The following ZMAT4 variants were observed in gnomAD, a reference collection of about 807,000 sequenced individuals.
ZMAT4 encodes the protein zinc finger matrin-type protein 4.
ZMAT4 carries 17 observed loss-of-function variants against 28.7 expected under a neutral mutation model. That is an observed-to-expected ratio of 0.59 (90% CI 0.41 to 0.89). The LOEUF is 0.89. Among genes scored for constraint, ZMAT4 ranks in the 40% least tolerant of loss-of-function variants. ZMAT4 has a pLI of 0.00. For synonymous variants in ZMAT4, 117 were observed against 109.2 expected, an observed-to-expected ratio of 1.07 and a Z score of -0.44; for missense variants, 240 against 283.8, an observed-to-expected ratio of 0.85 and a Z score of 1.11.
chr8:40,567,934 G>A (rs564393672), intron 6 of ZMAT4, among the ~76,000 whole-genome samples: 3 of 152,064 alleles, frequency 2.0e-5, no homozygotes, highest in East Asian at 1.9e-4. Context: ...TACTATCAGT[G>A]GTAGCATAAA....
At chr8:40,681,808 C>T (rs923811234) in intron 4 of ZMAT4, among the ~76,000 whole-genome samples, 2 of 151,632 alleles carry the variant, frequency 1.3e-5, no homozygotes, top group Non-Finnish European at 2.9e-5. Context: ...GTTAAAGAAA[C>T]AAGTTAGATA....
chr8:40,632,020 T>A (rs1452481646), intron 5 of ZMAT4, among the ~76,000 whole-genome samples: 1 of 152,060 alleles, frequency 6.6e-6, no homozygotes, highest in East Asian at 1.9e-4. Context: ...CAAATCCAGG[T>A]TTTTTTTCCA....
At chr8:40,846,306 C>G (rs1432723029) in intron 1 of ZMAT4, among the ~76,000 whole-genome samples, 1 of 152,202 alleles carries the variant, frequency 6.6e-6, no homozygotes, top group Non-Finnish European at 1.5e-5. Flanking sequence ...AACCCAATCC[C>G]CAGCCCACAA....
At chr8:40,775,637 C>T (rs1246245089) in intron 2 of ZMAT4, among the ~76,000 whole-genome samples, 3 of 152,220 alleles carry the variant, frequency 2.0e-5, no homozygotes, top group African/African-American at 7.2e-5. Context: ...GTCAGGGATC[C>T]ACTAGATACT....
At chr8:40,536,896 G>A (rs2118360738) in intron 6 of ZMAT4, among the ~76,000 whole-genome samples, 1 of 145,894 alleles carries the variant, frequency 6.9e-6, no homozygotes, top group Non-Finnish European at 1.5e-5. Flanking sequence ...GGGATGAGGG[G>A]GTTTGGAGAA....
At chr8:40,588,019 T>C (rs1245500568) in intron 5 of ZMAT4, among the ~76,000 whole-genome samples, 2 of 151,970 alleles carry the variant, frequency 1.3e-5, no homozygotes, top group Admixed American at 6.6e-5. Context: ...AAATATTTTA[T>C]AATGATAAAA....
chr8:40,735,030 G>T (rs758297532), intron 3 of ZMAT4, among the ~76,000 whole-genome samples: 6 of 152,184 alleles, frequency 3.9e-5, no homozygotes, highest in Non-Finnish European at 7.3e-5. Flanking sequence ...GCTGGTGTGA[G>T]ACACAGCTGA....
chr8:40,808,545 G>A (rs962459394), intron 2 of ZMAT4: 3 of 455,356 alleles, frequency 6.6e-6, no homozygotes, highest in African/African-American at 6.0e-5. Context: ...AAGTTACATT[G>A]CTCATTCCCA....
In ZMAT4 at chr8:40,684,067, G is replaced by GA. The variant is rs113250177; in HGVS notation, c.350-9137dup. Reference sequence around the variant, plus strand: ...TGGGACCAGAGGAGATCCCGTCTTAGAAAAAAAAAAAAATCAGATGGCTAC... The same window carrying GA: ...TGGGACCAGAGGAGATCCCGTCTTAGAAAAAAAAAAAAAATCAGATGGCTAC... On this transcript the variant is annotated intron_variant, in intron 4 of 6. Coordinates refer to ENST00000297737, the MANE Select transcript of ZMAT4 (RefSeq NM_024645.3). Among the ~76,000 whole-genome samples the GA allele has an allele frequency of 9.2e-3, 1,282 of 138,696 alleles. 20 individuals are homozygous for GA. The highest frequency in any genetic ancestry group is 0.028 in the African/African-American group (1,057 of 38,106). 91.0% of individuals were successfully genotyped at this position (138,696 alleles called of 152,430 possible). A position where few individuals can be genotyped will look rare whatever the true frequency, so the allele number is the denominator to read the frequency against.
At chr8:40,537,084 A>G (rs1802871245) in intron 6 of ZMAT4, among the ~76,000 whole-genome samples, 1 of 152,284 alleles carries the variant, frequency 6.6e-6, no homozygotes, top group East Asian at 1.9e-4. Flanking sequence ...TTGGAAGCCT[A>G]TGTAGTCTGA....
At chr8:40,582,497 A>C (rs1263574998) in intron 5 of ZMAT4, among the ~76,000 whole-genome samples, 3 of 152,230 alleles carry the variant, frequency 2.0e-5, no homozygotes, top group Non-Finnish European at 4.4e-5. Flanking sequence ...TCAAAAAAAA[A>C]AAGTGACATA....
intron 2 of ZMAT4, among the ~76,000 whole-genome samples, chr8:40,777,574 G>A (rs1813650505): frequency 6.6e-6 from 1 of 152,236 alleles, no homozygotes; most frequent in Non-Finnish European, 1.5e-5. Context: ...GTGAGGGCAA[G>A]CCTGAAAAGC....
At chr8:40,843,746 C>A (rs1455490003) in intron 1 of ZMAT4, among the ~76,000 whole-genome samples, 3 of 152,182 alleles carry the variant, frequency 2.0e-5, no homozygotes, top group Non-Finnish European at 2.9e-5. Flanking sequence ...CCACTCTCTG[C>A]AGAATGTGTG....
intron 3 of ZMAT4, among the ~76,000 whole-genome samples, chr8:40,715,026 C>T (rs1304917435): frequency 2.6e-5 from 3 of 114,506 alleles, no homozygotes; most frequent in Non-Finnish European, 4.9e-5. Flanking sequence ...TCCAGCCTGG[C>T]GACAGAGGGA....
intron 5 of ZMAT4, among the ~76,000 whole-genome samples, chr8:40,615,722 A>T (rs1432764888): frequency 6.6e-6 from 1 of 152,092 alleles, no homozygotes; most frequent in African/African-American, 2.4e-5. Context: ...ATCGAATCGG[A>T]TACTGAAACT....
At chr8:40,849,349 T>G (rs1384752490) in intron 1 of ZMAT4, among the ~76,000 whole-genome samples, 1 of 152,214 alleles carries the variant, frequency 6.6e-6, no homozygotes, top group Non-Finnish European at 1.5e-5. Context: ...AGTCCTTTCA[T>G]TATTTACTCG....
chr8:40,640,447 T>C (rs780459806), intron 5 of ZMAT4, among the ~76,000 whole-genome samples: 2 of 152,186 alleles, frequency 1.3e-5, no homozygotes, highest in Non-Finnish European at 2.9e-5. Flanking sequence ...ACAGGTCACC[T>C]CTCTGCATTG....
chr8:40,849,987 C>T (rs1216718380), intron 1 of ZMAT4, among the ~76,000 whole-genome samples: 3 of 152,280 alleles, frequency 2.0e-5, no homozygotes, highest in South Asian at 2.1e-4. Flanking sequence ...CATCCACTCC[C>T]TTTTCTTCCC....
Position 40,585,917 on chromosome 8 carries a change from T to A in ZMAT4, c.578-4656A>T, listed in dbSNP as rs72636931. ...TAACAAATAGAGGTTCAGCTTGCAA[T>A]AGGCATAAATATTTATGTTTAAAAA... is the stretch of plus-strand genomic sequence containing the variant. On this transcript the variant is annotated intron_variant, in intron 5 of 6. Coordinates refer to ENST00000297737, the MANE Select transcript of ZMAT4 (RefSeq NM_024645.3). Among the ~76,000 whole-genome samples the A allele has an allele frequency of 7.5e-3, 1,144 of 152,328 alleles. 8 individuals carry two copies. The highest frequency in any genetic ancestry group is 0.013 in the Non-Finnish European group (885 of 68,030).
Sources: gnomAD v4.1 joint callset for allele counts (sites outside exome capture counted in the v4.1 genomes callset) on GRCh38, gnomAD v4.1.1 for gene constraint, MANE v1.5 for transcripts, NCBI Gene and HGNC (gene_info 2026-07-23, HGNC 2026-07-21) for gene names.